Variants in BAZ1A observed in about 807,000 individuals in gnomAD.
BAZ1A encodes bromodomain adjacent to zinc finger domain 1A.
BAZ1A carries 50 observed loss-of-function variants against 185.2 expected under a neutral mutation model. The observed-to-expected ratio is 0.27, with a 90% CI of 0.22 to 0.34. The LOEUF (loss-of-function observed/expected upper bound fraction) is 0.34. Ranked by LOEUF, BAZ1A falls within the 10% of genes least tolerant of loss-of-function variation. The probability of loss-of-function intolerance (pLI) is 1.00; values close to 1 mark genes in which losing one functional copy is unlikely to be tolerated. For missense variants in BAZ1A, 1,356 were observed against 1,839.9 expected (o/e 0.74, Z 4.81); for synonymous variants, 571 against 615.6 (o/e 0.93, Z 1.07).
intron 2 of BAZ1A, among the ~76,000 whole-genome samples, chr14:34,868,103 G>A (rs1427737722): frequency 6.6e-6 from 1 of 152,142 alleles, no homozygotes; most frequent in Non-Finnish European, 1.5e-5. Flanking sequence ...CTAAAGGTGG[G>A]CATCCTACTG....
intron 4 of BAZ1A, among the ~76,000 whole-genome samples, chr14:34,819,456 G>A (rs906047706): frequency 2.0e-4 from 31 of 152,142 alleles, no homozygotes; most frequent in African/African-American, 7.0e-4. Flanking sequence ...TCATAAGTAT[G>A]TAGACTTTTC....
intron 21 of BAZ1A, 133 bp from the exon 22 acceptor site, chr14:34,765,401 T>C (rs1427104940): frequency 8.7e-7 from 1 of 1,153,924 alleles, no homozygotes; most frequent in African/African-American, 1.6e-5. Context: ...AAAAAGACCA[T>C]GCTGATATTA....
chr14:34,786,361 T>C, intron 12 of BAZ1A, 140 bp from the exon 13 acceptor site: 2 of 681,328 alleles, frequency 2.9e-6, no homozygotes, highest in Admixed American at 3.2e-5. Context: ...GTACAAGCAA[T>C]ATTCACATTC....
intron 3 of BAZ1A, among the ~76,000 whole-genome samples, chr14:34,852,787 T>C (rs1765499454): frequency 1.3e-5 from 2 of 152,088 alleles, no homozygotes; most frequent in African/African-American, 4.8e-5. Flanking sequence ...ATTTAATACG[T>C]GAAAAAAGAC....
At chr14:34,854,077 T>A (rs924314559) in intron 3 of BAZ1A, among the ~76,000 whole-genome samples, 2 of 140,596 alleles carry the variant, frequency 1.4e-5, no homozygotes, top group African/African-American at 5.2e-5. Context: ...TTAACTGAAA[T>A]TTAAGTGAAA....
intron 9 of BAZ1A, among the ~76,000 whole-genome samples, chr14:34,796,889 G>T (rs930373045): frequency 3.3e-5 from 5 of 152,142 alleles, no homozygotes; most frequent in African/African-American, 1.2e-4. Context: ...ATCAAATAAG[G>T]TTAACATTCT....
chr14:34,777,316 C>T (rs567170808), intron 17 of BAZ1A, among the ~76,000 whole-genome samples: 3 of 152,180 alleles, frequency 2.0e-5, no homozygotes, highest in Non-Finnish European at 2.9e-5. Flanking sequence ...TCACTTATCA[C>T]AAAGTATCAT....
Position 34,826,127 on chromosome 14 carries a change from G to A in BAZ1A, c.422C>T (p.Pro141Leu), listed in dbSNP as rs989479063. The A allele has an allele frequency of 6.2e-7, 1 of 1,611,316 alleles. No individual in the cohort carries two copies. Among genetic ancestry groups the A allele is most frequent in the African/African-American group, 1.3e-5 (1 of 74,914 alleles). Residue 141 changes from proline to leucine, a missense_variant, in exon 4 of 27, where the codon CCT (proline) becomes CTT (leucine). Transcript: ENST00000360310. ...RLQCRILEVLPPSHQNGFANG... is the reference protein window; with the variant it reads ...RLQCRILEVLLPSHQNGFANG... ...AGCAAAACCATTTTGATGTGATGGA[G>A]GGAGGACTTCCAAAATCCTACACTG...
intron 4 of BAZ1A, among the ~76,000 whole-genome samples, chr14:34,821,647 G>A (rs1440909418): frequency 1.3e-5 from 2 of 152,198 alleles, no homozygotes; most frequent in Non-Finnish European, 2.9e-5. Flanking sequence ...TGATATTGAT[G>A]TATAGTGAAG....
Position 34,792,815 on chromosome 14 carries a change from CTCT to C in BAZ1A, c.1467_1469del (p.Glu491del), listed in dbSNP as rs1313588079. On this transcript the variant is annotated inframe_deletion, in exon 12 of 27. Transcript: ENST00000360310. ...CAGTTAGTTGCTCTTTGGCTACTTC[CTCT>C]TCTTCTTCAGCTATTGCCTGGAAGA... is the stretch of plus-strand genomic sequence containing the variant. 1.2e-6 allele frequency: 2 copies of C among 1,613,840 alleles called. No homozygotes were observed. The highest frequency in any genetic ancestry group is 1.3e-5 in the African/African-American group (1 of 74,906).
chr14:34,832,490 G>A (rs540966174), intron 3 of BAZ1A, among the ~76,000 whole-genome samples: 9 of 148,540 alleles, frequency 6.1e-5, no homozygotes, highest in African/African-American at 2.0e-4. Flanking sequence ...ATTCAAAGAC[G>A]GGCAAAAGAC....
At chr14:34,850,266 T>G (rs965924854) in intron 3 of BAZ1A, among the ~76,000 whole-genome samples, 10 of 152,052 alleles carry the variant, frequency 6.6e-5, no homozygotes, top group Admixed American at 5.9e-4. Context: ...TAGTCCCAGC[T>G]ACTTCGGAGG....
chr14:34,761,933 C>T lies in BAZ1A; in HGVS notation c.4067G>A (p.Arg1356Lys). 6.2e-7 allele frequency: 1 copy of T among 1,614,194 alleles called. No individual in the cohort carries two copies. The highest frequency in any genetic ancestry group is 8.5e-7 in the Non-Finnish European group (1 of 1,180,038). ...AGCACTTTTCCTGCCTCTGCGTTTTCTACGAGGACTAAGCAATTCCACAAA... is the reference window on the plus strand; with the variant it reads ...AGCACTTTTCCTGCCTCTGCGTTTTTTACGAGGACTAAGCAATTCCACAAA... Reference protein sequence around the residue: ...DVFVELLSPRRKRRGRKSANN... With the variant: ...DVFVELLSPRKKRRGRKSANN... Residue 1356 changes from arginine (R) to lysine (K), a missense_variant, in exon 24 of 27, where the codon AGA (arginine) becomes AAA (lysine). By Grantham distance (26) the Arg-to-Lys change is conservative. Transcript: ENST00000360310.
chr14:34,819,514 T>C (rs975843502), intron 4 of BAZ1A, among the ~76,000 whole-genome samples: 8 of 152,212 alleles, frequency 5.3e-5, no homozygotes, highest in African/African-American at 1.9e-4. Context: ...TTTAAATATA[T>C]AGTACATTTA....
chr14:34,800,178 G>T, intron 9 of BAZ1A, 46 bp downstream of exon 9: 3 of 1,262,966 alleles, frequency 2.4e-6, no homozygotes, highest in South Asian at 1.8e-5. Flanking sequence ...ATGTAAAGTA[G>T]TATTACTATA....
intron 3 of BAZ1A, among the ~76,000 whole-genome samples, chr14:34,857,037 C>T (rs2042692527): frequency 6.7e-6 from 1 of 148,384 alleles, no homozygotes; most frequent in Admixed American, 6.7e-5. Flanking sequence ...GACAGAGTCT[C>T]GCTGTGTCAC....
At chr14:34,767,326 G>C (rs1254684907) in intron 21 of BAZ1A, among the ~76,000 whole-genome samples, 1 of 152,090 alleles carries the variant, frequency 6.6e-6, no homozygotes, top group Non-Finnish European at 1.5e-5. Context: ...GAGGGGAATG[G>C]ATCACATGAG....
In BAZ1A at chr14:34,801,201, A is replaced by T; in HGVS notation, c.862-8T>A. Reference sequence around the variant, plus strand: ...ATTAGCAACATTGTCCTCCTAAAAAACAAACCAAAATAGTATGCCTGGTTC... The same window carrying T: ...ATTAGCAACATTGTCCTCCTAAAAATCAAACCAAAATAGTATGCCTGGTTC... On this transcript the variant is annotated splice_region_variant and splice_polypyrimidine_tract_variant and intron_variant, in intron 7 of 26. Transcript: ENST00000360310. 1 of 1,585,944 alleles carries T rather than the reference A, an allele frequency of 6.3e-7. No individual in the cohort carries two copies. Among genetic ancestry groups the T allele is most frequent in the Non-Finnish European group, 8.6e-7 (1 of 1,162,164 alleles).
At chr14:34,813,730 C>G (rs1017167765) in intron 4 of BAZ1A, among the ~76,000 whole-genome samples, 1 of 151,172 alleles carries the variant, frequency 6.6e-6, no homozygotes, top group African/African-American at 2.4e-5. Flanking sequence ...AACGAAGCAA[C>G]GACAAGAGTT....
Sources: allele counts gnomAD v4.1 joint callset (sites outside exome capture counted in the v4.1 genomes callset), GRCh38; gene constraint gnomAD v4.1.1; transcripts MANE v1.5; gene names NCBI Gene and HGNC (gene_info 2026-07-23, HGNC 2026-07-21).